The following SYNE1 variants were observed in gnomAD, a reference collection of about 807,000 sequenced individuals.
SYNE1 encodes the protein nesprin-1.
A neutral mutation model predicts 1,111.0 loss-of-function variants in SYNE1; 616 were observed. The ratio of observed to expected loss-of-function variants is 0.55; its 90% CI spans 0.52 to 0.59. The LOEUF (loss-of-function observed/expected upper bound fraction) is 0.59, where lower values mean the gene tolerates loss of function less well. SYNE1 is among the 20% of genes least tolerant of loss of function. The pLI is 0.00. For missense variants in SYNE1, 10,006 were observed against 10,417.0 expected (o/e 0.96, Z 1.72); for synonymous variants, 3,855 against 3,825.8 (o/e 1.01, Z -0.28).
Position 152,488,433 on chromosome 6 carries a change from G to T in SYNE1, c.1010C>A (p.Ala337Glu). The T allele has an allele frequency of 6.2e-7, 1 of 1,608,556 alleles. No individual in the cohort carries two copies. Among genetic ancestry groups the T allele is most frequent in the Non-Finnish European group, 8.5e-7 (1 of 1,176,318 alleles). Residue 337 changes from alanine to glutamate, a missense_variant, in exon 12 of 146, where the codon GCA (alanine) becomes GAA (glutamate). Physicochemically the swap from Ala to Glu is moderately radical, Grantham distance 107. Transcript: ENST00000367255. The part of the protein sequence containing the change: ...IEQFERDLTR[A>E]QMVESNLQDK... ...CTGTAAATTTGATTCCACCATCTGT[G>T]CTCTTGTCAAATCTCTCTCAAATTG...
At chr6:152,512,895 A>C (rs2099092479) in intron 6 of SYNE1, among the ~76,000 whole-genome samples, 1 of 152,164 alleles carries the variant, frequency 6.6e-6, no homozygotes, top group Non-Finnish European at 1.5e-5. Flanking sequence ...GAGAATGAAG[A>C]ATTTCCAGAA....
At chr6:152,401,782 G>A (rs930722600) in intron 46 of SYNE1, among the ~76,000 whole-genome samples, 1 of 152,188 alleles carries the variant, frequency 6.6e-6, no homozygotes, top group Non-Finnish European at 1.5e-5. Flanking sequence ...TGTCCCCACT[G>A]TTGCTTTAAA....
intron 3 of SYNE1, among the ~76,000 whole-genome samples, chr6:152,610,518 A>C (rs1249377311): frequency 6.6e-6 from 1 of 152,252 alleles, no homozygotes; most frequent in Non-Finnish European, 1.5e-5. Context: ...CCTACGTTTG[A>C]TTGGTGTACC....
At chr6:152,590,404 C>T (rs568264119) in intron 3 of SYNE1, among the ~76,000 whole-genome samples, 1 of 151,344 alleles carries the variant, frequency 6.6e-6, no homozygotes, top group East Asian at 1.9e-4. Context: ...TCATAGCATA[C>T]TACCTAATTT....
chr6:152,524,657 A>G (rs1180779362), intron 5 of SYNE1, among the ~76,000 whole-genome samples: 1 of 152,132 alleles, frequency 6.6e-6, no homozygotes, highest in African/African-American at 2.4e-5. Context: ...ACTTGGGTGC[A>G]TGTAGCTTAC....
Position 152,538,479 on chromosome 6 carries a change from G to T in SYNE1, c.129+1481C>A, listed in dbSNP as rs185480626. On this transcript the variant is annotated intron_variant, in intron 4 of 145. Transcript: ENST00000367255. ...ATGAAACTGTGTGTAGAAAAGTGTTGTCCAATATCTTAATGATGACTGTAT... is the reference window on the plus strand; with the variant it reads ...ATGAAACTGTGTGTAGAAAAGTGTTTTCCAATATCTTAATGATGACTGTAT... Among the ~76,000 whole-genome samples, 247 of 152,160 alleles carry T rather than the reference G, an allele frequency of 1.6e-3. 1 individual carries two copies. Among genetic ancestry groups the T allele is most frequent in the Non-Finnish European group, 3.0e-3 (203 of 68,006 alleles).
intron 4 of SYNE1, among the ~76,000 whole-genome samples, chr6:152,526,407 T>C (rs2099163907): frequency 6.6e-6 from 1 of 152,218 alleles, no homozygotes; most frequent in Non-Finnish European, 1.5e-5. Context: ...ATTTAATGCT[T>C]GAGCCTTAAT....
chr6:152,573,870 C>A (rs2099484268), intron 3 of SYNE1, among the ~76,000 whole-genome samples: 1 of 152,042 alleles, frequency 6.6e-6, no homozygotes, highest in Admixed American at 6.6e-5. Context: ...GACTAAGAAA[C>A]AAAACAGGTT....
chr6:152,573,097 T>C (rs1489899324), intron 3 of SYNE1, among the ~76,000 whole-genome samples: 1 of 152,148 alleles, frequency 6.6e-6, no homozygotes, highest in Non-Finnish European at 1.5e-5. Flanking sequence ...GGAATACTTT[T>C]CTAAGGGCGA....
At chr6:152,378,569 G>A (rs1219849264) in intron 56 of SYNE1, among the ~76,000 whole-genome samples, 4 of 152,054 alleles carry the variant, frequency 2.6e-5, no homozygotes, top group East Asian at 1.9e-4. Flanking sequence ...TATTTCTTTT[G>A]GGGGTGGCAC....
chr6:152,284,291 T>A, intron 95 of SYNE1, 119 bp from the exon 96 acceptor site: 1 of 1,060,432 alleles, frequency 9.4e-7, no homozygotes, highest in Non-Finnish European at 1.4e-6. Flanking sequence ...TGGGAATCAT[T>A]AATCAATCAA....
At chr6:152,276,760 A>G (rs1452567898) in intron 98 of SYNE1, among the ~76,000 whole-genome samples, 3 of 152,166 alleles carry the variant, frequency 2.0e-5, no homozygotes, top group Non-Finnish European at 4.4e-5. Flanking sequence ...ATTAGGCCAC[A>G]AGAAGGAGCA....
At chr6:152,460,997 A>G (rs915360232) in intron 21 of SYNE1, among the ~76,000 whole-genome samples, 3 of 151,794 alleles carry the variant, frequency 2.0e-5, no homozygotes, top group Non-Finnish European at 4.4e-5. Context: ...ATTTTTAAGT[A>G]GAGACGATGT....
At chr6:152,163,876 T>TA (rs1356448458) in intron 131 of SYNE1, among the ~76,000 whole-genome samples, 1 of 152,164 alleles carries the variant, frequency 6.6e-6, no homozygotes, top group Admixed American at 6.5e-5. Flanking sequence ...CTGTTTTAGA[T>TA]ACGTAATTGC....
At chr6:152,447,744 G>T in intron 28 of SYNE1, 122 bp from the exon 29 acceptor site, 1 of 1,101,256 alleles carries the variant, frequency 9.1e-7, no homozygotes, top group South Asian at 1.3e-5. Context: ...ACATCATTCA[G>T]CAATACAGTG....
intron 6 of SYNE1, among the ~76,000 whole-genome samples, chr6:152,514,315 C>A (rs1436188476): frequency 6.6e-6 from 1 of 152,182 alleles, no homozygotes; most frequent in Non-Finnish European, 1.5e-5. Flanking sequence ...AGGATGAGTT[C>A]ATGTTCTTTG....
intron 122 of SYNE1, 94 bp downstream of exon 122, chr6:152,214,812 C>A (rs2078259680): frequency 1.3e-6 from 2 of 1,522,762 alleles, no homozygotes; most frequent in South Asian, 1.1e-5. Flanking sequence ...CATTTCTGTT[C>A]TTTATAAATT....
At chr6:152,567,375 A>T (rs2099417356) in intron 3 of SYNE1, among the ~76,000 whole-genome samples, 1 of 152,194 alleles carries the variant, frequency 6.6e-6, no homozygotes, top group Admixed American at 6.5e-5. Flanking sequence ...CCATTATAAT[A>T]TAAAACTGTA....
intron 127 of SYNE1, among the ~76,000 whole-genome samples, chr6:152,192,129 T>C (rs1434667433): frequency 1.3e-5 from 2 of 152,232 alleles, no homozygotes; most frequent in Non-Finnish European, 2.9e-5. Context: ...AATTTCACTT[T>C]TGTTTGAATG....
Sources: allele counts gnomAD v4.1 joint callset (sites outside exome capture counted in the v4.1 genomes callset), GRCh38; gene constraint gnomAD v4.1.1; transcripts MANE v1.5; gene names NCBI Gene and HGNC (gene_info 2026-07-23, HGNC 2026-07-21).